The following KHDRBS2 variants were observed in gnomAD, a reference collection of about 807,000 sequenced individuals.
KHDRBS2 encodes KH RNA binding domain containing, signal transduction associated 2.
Under a neutral mutation model 44.3 loss-of-function variants are expected in KHDRBS2, and 26 were observed. The ratio of observed to expected loss-of-function variants is 0.59; its 90% CI spans 0.43 to 0.81. The LOEUF is 0.81. KHDRBS2 is among the 40% of genes least tolerant of loss of function. The pLI, the probability that KHDRBS2 is intolerant of heterozygous loss-of-function variation, is 0.00. For missense variants in KHDRBS2, 476 were observed against 433.1 expected, an observed-to-expected ratio of 1.10 and a Z score of -0.88; for synonymous variants, 194 against 151.1, an observed-to-expected ratio of 1.28 and a Z score of -2.08.
chr6:62,266,474 T>C (rs534065311), intron 1 of KHDRBS2, among the ~76,000 whole-genome samples: 1 of 152,176 alleles, frequency 6.6e-6, no homozygotes, highest in South Asian at 2.1e-4. Flanking sequence ...ATGCTTACCT[T>C]CTAAAGTTTC....
intron 6 of KHDRBS2, chr6:61,816,488 A>C (rs1788960470): frequency 3.6e-6 from 1 of 280,818 alleles, no homozygotes; most frequent in South Asian, 3.1e-5. Flanking sequence ...CCAACAGTAG[A>C]AGTCAGGGAG....
the KHDRBS2 span, among the ~76,000 whole-genome samples, chr6:61,556,111 G>A: frequency 1.1e-4 from 16 of 152,322 alleles, no homozygotes; most frequent in African/African-American, 3.6e-4. Flanking sequence ...CAACCAAGGT[G>A]CAGGATGGAG....
At chr6:62,252,991 G>A (rs1836790392) in intron 1 of KHDRBS2, among the ~76,000 whole-genome samples, 1 of 151,966 alleles carries the variant, frequency 6.6e-6, no homozygotes, top group South Asian at 2.1e-4. Flanking sequence ...CATATATGAA[G>A]ATATGATCAG....
chr6:61,786,958 A>G (rs1282026186), intron 6 of KHDRBS2, among the ~76,000 whole-genome samples: 1 of 151,126 alleles, frequency 6.6e-6, no homozygotes, highest in Non-Finnish European at 1.5e-5. Flanking sequence ...TTCATTTCCC[A>G]TAATTTCCTT....
At chr6:61,903,335 T>C (rs774356683) in intron 4 of KHDRBS2, among the ~76,000 whole-genome samples, 2 of 152,044 alleles carry the variant, frequency 1.3e-5, no homozygotes, top group African/African-American at 2.4e-5. Context: ...TAGGAAGAGA[T>C]GGATTGTCAT....
At chr6:61,983,232 CTTTCTT>C (rs1345365019) in intron 3 of KHDRBS2, among the ~76,000 whole-genome samples, 1 of 90,190 alleles carries the variant, frequency 1.1e-5, no homozygotes, top group African/African-American at 4.3e-5. Context: ...TTCTTTCTTT[CTTTCTT>C]TTTTTTTTTT....
chr6:61,774,208 G>A (rs1582758784), intron 6 of KHDRBS2, among the ~76,000 whole-genome samples: 1 of 152,086 alleles, frequency 6.6e-6, no homozygotes, highest in East Asian at 1.9e-4. Flanking sequence ...GATGGGGATG[G>A]CATTGAATCT....
the KHDRBS2 span, among the ~76,000 whole-genome samples, chr6:61,669,293 G>A: frequency 4.0e-5 from 6 of 150,542 alleles, no homozygotes; most frequent in Middle Eastern, 3.5e-3. Flanking sequence ...TTATTATTAC[G>A]GAAACAATTG....
intron 4 of KHDRBS2, among the ~76,000 whole-genome samples, chr6:61,927,311 T>C (rs1000947266): frequency 1.3e-5 from 2 of 152,086 alleles, no homozygotes; most frequent in African/African-American, 4.8e-5. Flanking sequence ...AAGCCAAATA[T>C]TGGTAATATT....
At chr6:61,626,918 A>C in the KHDRBS2 span, among the ~76,000 whole-genome samples, 60 of 152,234 alleles carry the variant, frequency 3.9e-4, 1 homozygote, top group African/African-American at 1.3e-3. Context: ...TCCACCTGAA[A>C]GAGCTAAGAG....
intron 2 of KHDRBS2, among the ~76,000 whole-genome samples, chr6:62,059,453 G>C (rs1791185481): frequency 1.3e-5 from 2 of 151,380 alleles, no homozygotes; most frequent in South Asian, 2.1e-4. Flanking sequence ...AAGAAAAGGA[G>C]ATGAGACTGA....
chr6:62,212,647 G>A (rs963877268), intron 1 of KHDRBS2, among the ~76,000 whole-genome samples: 1 of 152,114 alleles, frequency 6.6e-6, no homozygotes, highest in African/African-American at 2.4e-5. Context: ...GAAGACAGAG[G>A]ATTAGAATGA....
At chr6:61,840,345 A>C (rs1793407795) in intron 6 of KHDRBS2, among the ~76,000 whole-genome samples, 1 of 152,174 alleles carries the variant, frequency 6.6e-6, no homozygotes. Context: ...CATATATTTC[A>C]AGATTCAGCA....
chr6:61,595,217 AG>A, the KHDRBS2 span, among the ~76,000 whole-genome samples: 1 of 152,174 alleles, frequency 6.6e-6, no homozygotes, highest in South Asian at 2.1e-4. Flanking sequence ...TCCCATTGCT[AG>A]GTATCTATAA....
chr6:62,088,371 T>G (rs1798815767), intron 2 of KHDRBS2, among the ~76,000 whole-genome samples: 2 of 152,160 alleles, frequency 1.3e-5, no homozygotes, highest in African/African-American at 4.8e-5. Flanking sequence ...GGTGATCTTC[T>G]GATGGAGTTT....
At chr6:61,928,432 T>C (rs1336871618) in intron 4 of KHDRBS2, among the ~76,000 whole-genome samples, 4 of 152,074 alleles carry the variant, frequency 2.6e-5, no homozygotes, top group East Asian at 3.8e-4. Flanking sequence ...TGTGTGGAAA[T>C]AGGTTAGTAA....
chr6:62,077,112 G>C (rs1468073292), intron 2 of KHDRBS2, among the ~76,000 whole-genome samples: 1 of 151,968 alleles, frequency 6.6e-6, no homozygotes, highest in Non-Finnish European at 1.5e-5. Context: ...AGAAATATCT[G>C]TTGAATTTAT....
At chr6:61,552,365 A>G in the KHDRBS2 span, among the ~76,000 whole-genome samples, 12 of 152,130 alleles carry the variant, frequency 7.9e-5, no homozygotes, top group Admixed American at 3.3e-4. Flanking sequence ...TTGATTTTGT[A>G]TACTAAAACT....
At chr6:62,056,059 C>G (rs984877604) in intron 2 of KHDRBS2, among the ~76,000 whole-genome samples, 1 of 151,956 alleles carries the variant, frequency 6.6e-6, no homozygotes, top group Admixed American at 6.6e-5. Flanking sequence ...TCTTTACGGC[C>G]TGTTGGTGGA....
Sources: allele counts gnomAD v4.1 joint callset (sites outside exome capture counted in the v4.1 genomes callset), GRCh38; gene constraint gnomAD v4.1.1; transcripts MANE v1.5; gene names NCBI Gene and HGNC (gene_info 2026-07-23, HGNC 2026-07-21).